Variants in TMEM132D observed in about 807,000 individuals in gnomAD.
The protein encoded by TMEM132D is mature OL transmembrane protein.
A neutral mutation model predicts 62.3 loss-of-function variants in TMEM132D; 21 were observed. That is an observed-to-expected ratio of 0.34 (90% CI 0.24 to 0.49). The LOEUF (loss-of-function observed/expected upper bound fraction) is 0.49, where lower values mean the gene tolerates loss of function less well. Ranked by LOEUF, TMEM132D falls within the 20% of genes least tolerant of loss-of-function variation. The probability of loss-of-function intolerance (pLI) is 0.99; values close to 1 mark genes in which losing one functional copy is unlikely to be tolerated. For missense variants in TMEM132D, 1,346 were observed against 1,402.8 expected, an observed-to-expected ratio of 0.96 and a Z score of 0.65; for synonymous variants, 621 against 575.6, an observed-to-expected ratio of 1.08 and a Z score of -1.13.
intron 1 of TMEM132D, among the ~76,000 whole-genome samples, chr12:129,714,151 C>T (rs1350951958): frequency 3.3e-5 from 5 of 152,194 alleles, no homozygotes; most frequent in Non-Finnish European, 7.3e-5. Flanking sequence ...CTGTTTCCTG[C>T]ACCTGGAGTG....
At chr12:129,472,145 G>A (rs1441010817) in intron 3 of TMEM132D, among the ~76,000 whole-genome samples, 2 of 152,170 alleles carry the variant, frequency 1.3e-5, no homozygotes, top group Admixed American at 1.3e-4. Context: ...GCCTTCTGTT[G>A]GAAGAAGATG....
chr12:129,398,841 TCCATCCATC>T (rs1566056818), intron 3 of TMEM132D, among the ~76,000 whole-genome samples: 11 of 124,998 alleles, frequency 8.8e-5, no homozygotes, highest in Admixed American at 4.0e-4. Flanking sequence ...TATTCATCCA[TCCATCCATC>T]CATCCATCCA....
chr12:129,372,744 G>T (rs1420876226), intron 3 of TMEM132D, among the ~76,000 whole-genome samples: 1 of 151,732 alleles, frequency 6.6e-6, no homozygotes, highest in Non-Finnish European at 1.5e-5. Flanking sequence ...CCCCCAGATG[G>T]GACCATCTAG....
At chr12:129,361,407 C>G (rs575288172) in intron 3 of TMEM132D, among the ~76,000 whole-genome samples, 1 of 152,286 alleles carries the variant, frequency 6.6e-6, no homozygotes, top group East Asian at 1.9e-4. Context: ...TTCACTGTGC[C>G]CAGCCCCATC....
At chr12:129,472,003 C>A (rs1874105927) in intron 3 of TMEM132D, among the ~76,000 whole-genome samples, 2 of 152,218 alleles carry the variant, frequency 1.3e-5, no homozygotes, top group Admixed American at 1.3e-4. Context: ...CAACTGTCTC[C>A]ATGACATAAA....
chr12:129,468,166 C>G (rs1225950262), intron 3 of TMEM132D, among the ~76,000 whole-genome samples: 1 of 143,482 alleles, frequency 7.0e-6, no homozygotes, highest in Non-Finnish European at 1.5e-5. Context: ...GCTATCATTA[C>G]TGTGCATTAC....
intron 5 of TMEM132D, among the ~76,000 whole-genome samples, chr12:129,167,600 C>G (rs555708791): frequency 6.6e-6 from 1 of 152,158 alleles, no homozygotes; most frequent in African/African-American, 2.4e-5. Flanking sequence ...GGACCTTTGT[C>G]TTCTCTTGGT....
intron 1 of TMEM132D, among the ~76,000 whole-genome samples, chr12:129,724,289 G>GA (rs781546724): frequency 2.6e-5 from 4 of 152,212 alleles, no homozygotes; most frequent in Admixed American, 6.5e-5. Context: ...CCATGAGAGA[G>GA]ATTTGAAGAC....
At chr12:129,120,216 A>T (rs1344460364) in intron 5 of TMEM132D, among the ~76,000 whole-genome samples, 1 of 152,190 alleles carries the variant, frequency 6.6e-6, no homozygotes, top group African/African-American at 2.4e-5. Context: ...TTAAGAAGCC[A>T]CTACACCTAC....
intron 5 of TMEM132D, among the ~76,000 whole-genome samples, chr12:129,191,234 C>G (rs565692919): frequency 1.3e-5 from 2 of 150,764 alleles, no homozygotes; most frequent in East Asian, 3.9e-4. Flanking sequence ...ATATGCTATA[C>G]ATATATGTGT....
chr12:129,142,943 T>G (rs1429387019), intron 5 of TMEM132D, among the ~76,000 whole-genome samples: 2 of 152,120 alleles, frequency 1.3e-5, no homozygotes, highest in Non-Finnish European at 2.9e-5. Context: ...GTGGTCTACG[T>G]AGGAAAAAAA....
At chr12:129,090,453 T>C (rs1874870318) in intron 5 of TMEM132D, among the ~76,000 whole-genome samples, 1 of 152,056 alleles carries the variant, frequency 6.6e-6, no homozygotes, top group Non-Finnish European at 1.5e-5. Context: ...TCACCTGAGG[T>C]CAGGAGTTCG....
intron 2 of TMEM132D, among the ~76,000 whole-genome samples, chr12:129,560,565 C>T (rs931330131): frequency 3.3e-5 from 5 of 152,140 alleles, no homozygotes; most frequent in East Asian, 1.9e-4. Flanking sequence ...CCACTGCGCC[C>T]GGCCAGCACT....
chr12:129,869,481 G>A (rs575114800), intron 1 of TMEM132D, among the ~76,000 whole-genome samples: 1 of 152,254 alleles, frequency 6.6e-6, no homozygotes, highest in East Asian at 1.9e-4. Flanking sequence ...CAAACACAAT[G>A]TAAATGCTAT....
At chr12:129,180,247 C>T (rs1358216021) in intron 5 of TMEM132D, among the ~76,000 whole-genome samples, 2 of 149,624 alleles carry the variant, frequency 1.3e-5, no homozygotes, top group South Asian at 4.2e-4. Flanking sequence ...AAGCAGTCTG[C>T]ACTTCATATT....
At chr12:129,705,392 G>T (rs117446849) in intron 1 of TMEM132D, among the ~76,000 whole-genome samples, 2,557 of 152,196 alleles carry the variant, frequency 0.017, 102 homozygotes, top group East Asian at 0.13. Flanking sequence ...TAAGCATTTA[G>T]TTAAAAGTAA....
intron 5 of TMEM132D, among the ~76,000 whole-genome samples, chr12:129,100,902 G>C (rs1049508635): frequency 3.3e-5 from 5 of 152,248 alleles, no homozygotes; most frequent in African/African-American, 1.2e-4. Flanking sequence ...ACTGAGGAAA[G>C]GACAGCTGTC....
At chr12:129,225,827 G>GTA (rs1470440430) in intron 4 of TMEM132D, among the ~76,000 whole-genome samples, 7 of 152,202 alleles carry the variant, frequency 4.6e-5, no homozygotes, top group African/African-American at 1.7e-4. Flanking sequence ...TTGTCCTGCA[G>GTA]TATAGGAGGC....
At chr12:129,684,942 G>A (rs563679752) in intron 2 of TMEM132D, among the ~76,000 whole-genome samples, 49 of 152,226 alleles carry the variant, frequency 3.2e-4, no homozygotes, top group African/African-American at 1.1e-3. Flanking sequence ...TAGGGTATCT[G>A]GAAGAAGAAA....
Sources: allele counts gnomAD v4.1 joint callset (sites outside exome capture counted in the v4.1 genomes callset), GRCh38; gene constraint gnomAD v4.1.1; transcripts MANE v1.5; gene names NCBI Gene and HGNC (gene_info 2026-07-23, HGNC 2026-07-21).